The following AMZ1 variants were observed in gnomAD, a reference collection of about 807,000 sequenced individuals.
AMZ1 encodes archaemetzincin-1.
In AMZ1, 39 loss-of-function variants were observed where a neutral mutation model predicts 29.9. The ratio of observed to expected loss-of-function variants is 1.30; its 90% CI spans 1.01 to 1.70. AMZ1 has a LOEUF of 1.70. Ranked by LOEUF, AMZ1 falls within the 40% of genes most tolerant of loss-of-function variation. The probability of loss-of-function intolerance (pLI) is 0.00; values close to 1 mark genes in which losing one functional copy is unlikely to be tolerated. For synonymous variants in AMZ1, 458 were observed against 304.0 expected (o/e 1.51, Z -5.27); for missense variants, 1,041 against 680.6 (o/e 1.53, Z -5.89).
chr7:2,758,933 G>A (rs1416401701), intron 4 of AMZ1, among the ~76,000 whole-genome samples: 2 of 152,188 alleles, frequency 1.3e-5, no homozygotes, highest in Admixed American at 6.5e-5. Flanking sequence ...CTGAGGTCAG[G>A]AGTTCGAGAC....
intron 3 of AMZ1, among the ~76,000 whole-genome samples, chr7:2,705,138 C>A (rs1054075941): frequency 1.3e-5 from 2 of 152,170 alleles, no homozygotes; most frequent in African/African-American, 4.8e-5. Flanking sequence ...GAATTTTTGG[C>A]CTGGGCCGAT....
In AMZ1 at chr7:2,709,144, T is replaced by G; in HGVS notation, c.671T>G (p.Leu224Arg). ...FPKSGPSAPD[L>R]ALVEAAADGP... is the part of the protein sequence containing the mutation. ...AAGTCGGGGCCCAGCGCCCCTGATCTGGCCCTGGTAGAGGCAGCAGCAGAC... is the reference window on the plus strand; with the variant it reads ...AAGTCGGGGCCCAGCGCCCCTGATCGGGCCCTGGTAGAGGCAGCAGCAGAC... The change falls in exon 5 of 7, where the codon CTG (leucine) becomes CGG (arginine). Residue 224 changes from leucine (L) to arginine (R), a missense_variant. Leu to Arg is a moderately radical substitution (Grantham distance 102). Coordinates refer to ENST00000683327, the MANE Select transcript of AMZ1 (RefSeq NM_001384743.1). 2 of 1,591,258 alleles carry G rather than the reference T, an allele frequency of 1.3e-6. No individual in the cohort carries two copies. The highest frequency in any genetic ancestry group is 2.3e-5 in the East Asian group (1 of 44,052).
rs1249644881 is a variant in AMZ1 at position 2,717,762 on chromosome 7, TTGA to T, written c.*4888_*4890del. Among the ~76,000 whole-genome samples the T allele has an allele frequency of 2.0e-5, 3 of 152,252 alleles. No homozygotes were observed. The South Asian group carries it at 6.2e-4, about 32-fold the overall frequency. On this transcript the variant is annotated 3_prime_UTR_variant, in exon 7 of 7. Transcript: ENST00000683327. ...TTTTCTGACATCCTACAGCAGCACCTTGATGAATGAGAACCCGGAAGAATGGAG... is the reference window on the plus strand; with the variant it reads ...TTTTCTGACATCCTACAGCAGCACCTTGAATGAGAACCCGGAAGAATGGAG...
At chr7:2,694,129 T>A (rs1211251428) in intron 1 of AMZ1, among the ~76,000 whole-genome samples, 2 of 152,112 alleles carry the variant, frequency 1.3e-5, no homozygotes, top group Non-Finnish European at 2.9e-5. Flanking sequence ...GTGCTCGAGA[T>A]GACATTAGGA....
intron 4 of AMZ1, among the ~76,000 whole-genome samples, chr7:2,757,022 C>G (rs761280121): frequency 6.6e-6 from 1 of 151,750 alleles, no homozygotes; most frequent in African/African-American, 2.4e-5. Flanking sequence ...TGCAGTGAAC[C>G]GTGATTGTGC....
chr7:2,680,419 C>T (rs1006185456), intron 1 of AMZ1, among the ~76,000 whole-genome samples: 1 of 152,190 alleles, frequency 6.6e-6, no homozygotes, highest in Non-Finnish European at 1.5e-5. Context: ...TCCTGCAGGG[C>T]TTCTCCAGGT....
chr7:2,712,268 C>T, intron 6 of AMZ1, 62 bp from the exon 7 acceptor site: 1 of 1,474,798 alleles, frequency 6.8e-7, no homozygotes, highest in Non-Finnish European at 9.0e-7. Context: ...GGTCTCCTGG[C>T]AGTTCCCTGG....
intron 1 of AMZ1, among the ~76,000 whole-genome samples, chr7:2,696,572 C>T (rs1787761441): frequency 6.6e-6 from 1 of 150,666 alleles, no homozygotes; most frequent in Admixed American, 6.6e-5. Flanking sequence ...TCATTTTTAT[C>T]TGCTGCTGAT....
rs1788900344 is a variant in AMZ1 at position 2,712,995 on chromosome 7, C to T, written c.*117C>T. 8.5e-7 allele frequency: 1 copy of T among 1,179,508 alleles called. No homozygotes were observed. The highest frequency in any genetic ancestry group is 1.1e-6 in the Non-Finnish European group (1 of 897,152). 73.1% of individuals were successfully genotyped at this position (1,179,508 alleles called of 1,614,324 possible). A position where few individuals can be genotyped will look rare whatever the true frequency, so the allele number is the denominator to read the frequency against. ...GAGGAAGGGTCTGCCTGGGTGGTGGCTCAGGCCTGTCATCCCATCACTTTG... is the reference window on the plus strand; with the variant it reads ...GAGGAAGGGTCTGCCTGGGTGGTGGTTCAGGCCTGTCATCCCATCACTTTG... On this transcript the variant is annotated 3_prime_UTR_variant, in exon 7 of 7. Transcript: ENST00000683327.
At chr7:2,684,751 G>C (rs918770062), upstream of AMZ1, among the ~76,000 whole-genome samples, 2 of 152,188 alleles carry the variant, frequency 1.3e-5, no homozygotes, top group African/African-American at 4.8e-5. Context: ...TCCTGGCACT[G>C]GGCATGGCGC....
At chr7:2,746,410 A>C (rs138995276) in intron 4 of AMZ1, among the ~76,000 whole-genome samples, 1 of 152,146 alleles carries the variant, frequency 6.6e-6, no homozygotes, top group African/African-American at 2.4e-5. Flanking sequence ...ACCTGCTCCT[A>C]AATGACTACT....
Position 2,733,395 on chromosome 7 carries a change from T to C in AMZ1, n.550+23579T>C, listed in dbSNP as rs1789998071. The C allele has an allele frequency of 2.6e-5, 36 of 1,394,766 alleles. No homozygotes were observed. In the South Asian group the frequency reaches 4.4e-4, roughly 17 times the overall value. The allele number at this position is 1,394,766 out of a possible 1,614,324, so 86.4% of individuals were successfully genotyped here. On this transcript the variant is annotated intron_variant and non_coding_transcript_variant, in intron 4 of 4. Coordinates refer to the AMZ1 transcript ENST00000489665. The stretch of plus-strand genomic sequence containing the variant: ...TCACAACGTGGACTGCTTTGGTCTC[T>C]GGACACGTTTTCTAACCCTGGAGCC...
intron 6 of AMZ1, among the ~76,000 whole-genome samples, chr7:2,710,765 G>C (rs746974574): frequency 6.6e-6 from 1 of 152,246 alleles, no homozygotes; most frequent in African/African-American, 2.4e-5. Flanking sequence ...AAGAGCCTGT[G>C]ACTTGGGGGG....
At chr7:2,760,306 T>C (rs1791497191), upstream of AMZ1, 1 of 152,436 alleles carries the variant, frequency 6.6e-6, no homozygotes, top group South Asian at 2.1e-4. Context: ...CAACCTGCTG[T>C]GTTCTGCACA....
chr7:2,719,308 A>G lies in AMZ1; in HGVS notation c.*6430A>G, dbSNP rs183690355. 2.6e-5 allele frequency among the ~76,000 whole-genome samples: 4 copies of G among 152,322 alleles called. No homozygotes were observed. The highest frequency in any genetic ancestry group is 5.9e-5 in the Non-Finnish European group (4 of 68,020). The stretch of plus-strand genomic sequence containing the variant: ...TGTTTCACGTGGGGCTCTTGATGGC[A>G]TAACCTGATGTCTGTCACGGACCCC... On this transcript the variant is annotated 3_prime_UTR_variant, in exon 7 of 7. Transcript: ENST00000683327.
chr7:2,712,778 TGCTGGGGGACAAGTTCTCC>T lies in AMZ1; in HGVS notation c.1398_1416del (p.Leu467ProfsTer2). 1 of 1,577,090 alleles carries T rather than the reference TGCTGGGGGACAAGTTCTCC, an allele frequency of 6.3e-7. No individual in the cohort carries two copies. On this transcript the variant is annotated frameshift_variant, in exon 7 of 7. Transcript: ENST00000683327. LOFTEE classifies it low-confidence loss of function (END_TRUNC). ...AGGGACAGCGTGGGGCTGCGCAAGG[TGCTGGGGGACAAGTTCTCC>T]TCCCTGAGGAGGAAGCTGAGTGCCC... is the stretch of plus-strand genomic sequence containing the variant.
intron 4 of AMZ1, 31 bp downstream of exon 4, chr7:2,708,747 G>A (rs375828895): frequency 9.9e-6 from 16 of 1,610,824 alleles, no homozygotes; most frequent in Admixed American, 1.7e-5. Context: ...CTGTGCGTGG[G>A]GGGTAGCCTG....
At chr7:2,720,131 G>A (rs1031651465), downstream of AMZ1, among the ~76,000 whole-genome samples, 3 of 152,230 alleles carry the variant, frequency 2.0e-5, no homozygotes, top group Admixed American at 6.5e-5. Flanking sequence ...GGGCTGCCAC[G>A]CACTGCTGCA....
At chr7:2,702,644 G>T in intron 2 of AMZ1, 78 bp from the exon 3 acceptor site, 1 of 1,448,132 alleles carries the variant, frequency 6.9e-7, no homozygotes, top group Admixed American at 2.5e-5. Context: ...GCAGGCCGGT[G>T]TCTGCGAGTG....
Sources: allele counts gnomAD v4.1 joint callset (sites outside exome capture counted in the v4.1 genomes callset), GRCh38; gene constraint gnomAD v4.1.1; transcripts MANE v1.5; gene names NCBI Gene and HGNC (gene_info 2026-07-23, HGNC 2026-07-21).